The following CUX1 variants were observed in gnomAD, a reference collection of about 807,000 sequenced individuals.
CUX1 encodes cut like homeobox 1.
In CUX1, 31 loss-of-function variants were observed where a neutral mutation model predicts 158.8. The ratio of observed to expected loss-of-function variants is 0.20; its 90% CI spans 0.15 to 0.26. CUX1 has a LOEUF of 0.26. CUX1 is among the 10% of genes least tolerant of loss of function. CUX1 has a pLI of 1.00. For missense variants in CUX1, 1,589 were observed against 2,014.6 expected (o/e 0.79, Z 4.04); for synonymous variants, 879 against 862.1 (o/e 1.02, Z -0.34).
At chr7:102,130,067 T>A (rs1833049792) in intron 8 of CUX1, among the ~76,000 whole-genome samples, 1 of 152,216 alleles carries the variant, frequency 6.6e-6, no homozygotes, top group Non-Finnish European at 1.5e-5. Flanking sequence ...GTTTGCCCTT[T>A]CATTCTCTTC....
intron 1 of CUX1, among the ~76,000 whole-genome samples, chr7:101,889,802 G>A (rs1238868430): frequency 2.0e-5 from 3 of 152,156 alleles, no homozygotes; most frequent in Non-Finnish European, 4.4e-5. Context: ...AATACATCTG[G>A]TGCAGGTAAA....
chr7:102,277,283 C>G (rs1402121860), intron 17 of CUX1, among the ~76,000 whole-genome samples: 2 of 151,928 alleles, frequency 1.3e-5, no homozygotes, highest in East Asian at 3.9e-4. Flanking sequence ...GGTGATAGAG[C>G]AAGACCCTGT....
At chr7:102,113,185 G>A (rs1831110434) in intron 7 of CUX1, among the ~76,000 whole-genome samples, 2 of 152,142 alleles carry the variant, frequency 1.3e-5, no homozygotes, top group African/African-American at 4.8e-5. Flanking sequence ...GGGAGATGCA[G>A]ATTCAATTAG....
chr7:102,278,119 C>A (rs1046745092), intron 18 of CUX1: 1 of 1,331,896 alleles, frequency 7.5e-7, no homozygotes, highest in Non-Finnish European at 1.1e-6. Context: ...GGAGAGAGGC[C>A]GATCAGGGCT....
At chr7:102,275,450 A>G (rs977148547) in intron 17 of CUX1, 3 of 1,029,258 alleles carry the variant, frequency 2.9e-6, no homozygotes, top group Non-Finnish European at 4.3e-6. Flanking sequence ...TGTGGCACAG[A>G]CCGTAAACCT....
At chr7:102,174,943 C>T (rs1166607148) in intron 10 of CUX1, among the ~76,000 whole-genome samples, 1 of 152,126 alleles carries the variant, frequency 6.6e-6, no homozygotes, top group East Asian at 1.9e-4. Flanking sequence ...GAGCAAGACT[C>T]CATCTCAAAA....
At chr7:102,222,787 G>A (rs1797935168) in intron 20 of CUX1, among the ~76,000 whole-genome samples, 1 of 145,154 alleles carries the variant, frequency 6.9e-6, no homozygotes. Flanking sequence ...CTAGCTCCTG[G>A]CTGTGTGTCT....
intron 3 of CUX1, among the ~76,000 whole-genome samples, chr7:102,064,458 C>T (rs1434147684): frequency 6.6e-6 from 1 of 151,902 alleles, no homozygotes. Context: ...TGCCTTAAGA[C>T]CTCACCTTAG....
intron 2 of CUX1, among the ~76,000 whole-genome samples, chr7:101,939,812 T>C (rs1231350110): frequency 6.6e-6 from 1 of 150,532 alleles, no homozygotes; most frequent in African/African-American, 2.4e-5. Flanking sequence ...AATACAAAAA[T>C]TGGGGCTGAG....
In CUX1 at chr7:102,257,236, G is replaced by A. The variant is rs1789994835; in HGVS notation, c.*8194G>A. ...ACCTCCCCTTCTCCAAGATTGCCGGGGGCCCTGATTTTGTTCTCTCTTTGA... is the reference window on the plus strand; with the variant it reads ...ACCTCCCCTTCTCCAAGATTGCCGGAGGCCCTGATTTTGTTCTCTCTTTGA... On this transcript the variant is annotated 3_prime_UTR_variant, in exon 24 of 24. Transcript: ENST00000292535. The A allele has an allele frequency of 1.0e-6, 1 of 985,132 alleles. No individual in the cohort carries two copies. Among genetic ancestry groups the A allele is most frequent in the South Asian group, 4.7e-5 (1 of 21,276 alleles). The allele number at this position is 985,132 out of a possible 1,614,324, so 61.0% of individuals were successfully genotyped here. A position where few individuals can be genotyped will look rare whatever the true frequency, so the allele number is the denominator to read the frequency against.
intron 8 of CUX1, among the ~76,000 whole-genome samples, chr7:102,150,381 C>G (rs1835505911): frequency 6.6e-6 from 1 of 152,180 alleles, no homozygotes; most frequent in African/African-American, 2.4e-5. Context: ...GTTTCAAACT[C>G]CTGGTCTCAA....
intron 2 of CUX1, among the ~76,000 whole-genome samples, chr7:101,934,448 CTA>C (rs1334475418): frequency 6.6e-6 from 1 of 152,142 alleles, no homozygotes; most frequent in African/African-American, 2.4e-5. Flanking sequence ...AGTGCCTCTT[CTA>C]TTTCTGTGTT....
chr7:102,236,976 G>C (rs1554533095), intron 22 of CUX1, among the ~76,000 whole-genome samples: 1 of 152,126 alleles, frequency 6.6e-6, no homozygotes, highest in Non-Finnish European at 1.5e-5. Context: ...CTTCACTCCT[G>C]GGGGTGCCGG....
At chr7:102,283,031 C>T (rs1554549849) in exon 23 of CUX1, 1 of 1,613,390 alleles carries the variant, frequency 6.2e-7, no homozygotes, top group Non-Finnish European at 8.5e-7. Context: ...GTTCGCTGAC[C>T]ACCTGCACAA....
chr7:101,940,688 G>A (rs1807601395), intron 2 of CUX1, among the ~76,000 whole-genome samples: 1 of 152,116 alleles, frequency 6.6e-6, no homozygotes, highest in African/African-American at 2.4e-5. Flanking sequence ...CTCTGGGGAG[G>A]TAAGACCAGC....
chr7:101,875,866 T>C (rs1799070903), intron 1 of CUX1, among the ~76,000 whole-genome samples: 1 of 152,190 alleles, frequency 6.6e-6, no homozygotes, highest in Non-Finnish European at 1.5e-5. Context: ...ACTTTCTCTC[T>C]GATTTTTACA....
intron 2 of CUX1, among the ~76,000 whole-genome samples, chr7:101,970,804 C>T (rs1811860244): frequency 6.6e-6 from 1 of 152,162 alleles, no homozygotes; most frequent in Non-Finnish European, 1.5e-5. Flanking sequence ...GACCCACCTG[C>T]CTCAGCCTCC....
At chr7:101,816,931 T>A, upstream of CUX1, 1 of 981,558 alleles carries the variant, frequency 1.0e-6, no homozygotes, top group Non-Finnish European at 1.2e-6. Flanking sequence ...CCCCCGGGTT[T>A]GTTTACGTCC....
chr7:102,117,051 G>A (rs1831507486), intron 8 of CUX1, among the ~76,000 whole-genome samples: 1 of 152,130 alleles, frequency 6.6e-6, no homozygotes, highest in Admixed American at 6.5e-5. Flanking sequence ...ACGGTCAGCA[G>A]GTCAGACAGG....
Sources: gnomAD v4.1 joint callset for allele counts (sites outside exome capture counted in the v4.1 genomes callset) on GRCh38, gnomAD v4.1.1 for gene constraint, MANE v1.5 for transcripts, NCBI Gene and HGNC (gene_info 2026-07-23, HGNC 2026-07-21) for gene names.